Variants in HPSE2 observed in about 807,000 individuals in gnomAD.
HPSE2 encodes the protein inactive heparanase-2.
HPSE2 carries 38 observed loss-of-function variants against 60.5 expected under a neutral mutation model. The ratio of observed to expected loss-of-function variants is 0.63; its 90% CI spans 0.48 to 0.82. The LOEUF (loss-of-function observed/expected upper bound fraction) is 0.82, where lower values mean the gene tolerates loss of function less well. Ranked by LOEUF, HPSE2 falls within the 40% of genes least tolerant of loss-of-function variation. HPSE2 has a pLI of 0.00. For missense variants in HPSE2, 713 were observed against 740.4 expected (o/e 0.96, Z 0.43); for synonymous variants, 295 against 293.2 (o/e 1.01, Z -0.06).
chr10:98,781,612 T>C (rs925491924), intron 3 of HPSE2, among the ~76,000 whole-genome samples: 1 of 152,212 alleles, frequency 6.6e-6, no homozygotes, highest in Non-Finnish European at 1.5e-5. Context: ...CATATAAAAA[T>C]ACATATTTCA....
intron 3 of HPSE2, among the ~76,000 whole-genome samples, chr10:99,068,460 C>T (rs142141579): frequency 1.8e-4 from 27 of 152,210 alleles, no homozygotes; most frequent in African/African-American, 4.6e-4. Flanking sequence ...AGAGCTTGTA[C>T]GGGAGAAGTT....
At chr10:98,699,261 AATCCAGCAGCAC>A (rs1948331232) in intron 5 of HPSE2, among the ~76,000 whole-genome samples, 1 of 152,058 alleles carries the variant, frequency 6.6e-6, no homozygotes, top group Admixed American at 6.6e-5. Context: ...TGGCAAACCG[AATCCAGCAGCAC>A]ATCAAAAAGC....
Position 98,824,241 on chromosome 10 carries a change from A to G in HPSE2, c.611-80185T>C, listed in dbSNP as rs187337086. On this transcript the variant is annotated intron_variant, in intron 3 of 11. Transcript: ENST00000370552. The stretch of plus-strand genomic sequence containing the variant: ...AGATAAACAATGGTTATCTTCAAAG[A>G]GGAGATTAAGGTTAGTGAGCGGGGG... Among the ~76,000 whole-genome samples, 288 of 152,266 alleles carry G rather than the reference A, an allele frequency of 1.9e-3. 5 individuals carry two copies. The highest frequency in any genetic ancestry group is 2.2e-4 in the Non-Finnish European group (15 of 68,018).
At chr10:98,958,475 C>T (rs1413129489) in intron 3 of HPSE2, among the ~76,000 whole-genome samples, 1 of 152,024 alleles carries the variant, frequency 6.6e-6, no homozygotes, top group Non-Finnish European at 1.5e-5. Context: ...GATTATTATG[C>T]ATGCTATCTA....
At chr10:98,758,970 T>C (rs975267509) in intron 3 of HPSE2, among the ~76,000 whole-genome samples, 6 of 152,164 alleles carry the variant, frequency 3.9e-5, no homozygotes, top group African/African-American at 9.6e-5. Flanking sequence ...ATAAAGAAAA[T>C]GTGGTATATA....
intron 7 of HPSE2, among the ~76,000 whole-genome samples, chr10:98,639,082 C>T (rs1424521528): frequency 6.6e-6 from 1 of 152,132 alleles, no homozygotes; most frequent in Non-Finnish European, 1.5e-5. Context: ...CTTCAATGAA[C>T]AGGATATGGC....
intron 3 of HPSE2, among the ~76,000 whole-genome samples, chr10:98,884,237 A>C (rs1025629964): frequency 6.6e-6 from 1 of 152,136 alleles, no homozygotes. Context: ...TTAAGGAAAG[A>C]AGCTATCTCC....
intron 11 of HPSE2, among the ~76,000 whole-genome samples, chr10:98,463,537 C>T (rs1041262267): frequency 6.6e-6 from 1 of 152,228 alleles, no homozygotes; most frequent in African/African-American, 2.4e-5. Context: ...TGTGGTGGCT[C>T]ATGCCTGTAA....
chr10:98,574,775 G>A (rs2133906285), intron 9 of HPSE2, among the ~76,000 whole-genome samples: 1 of 152,292 alleles, frequency 6.6e-6, no homozygotes, highest in Middle Eastern at 3.4e-3. Context: ...TAGGAAGACT[G>A]AGGACTCTGA....
chr10:99,225,535 T>G (rs944737909), intron 2 of HPSE2, among the ~76,000 whole-genome samples: 2 of 152,074 alleles, frequency 1.3e-5, no homozygotes, highest in African/African-American at 2.4e-5. Context: ...AAACTTGCAA[T>G]GTAAGGATCT....
At chr10:99,162,739 C>T (rs1846893620) in intron 2 of HPSE2, among the ~76,000 whole-genome samples, 1 of 152,132 alleles carries the variant, frequency 6.6e-6, no homozygotes, top group Non-Finnish European at 1.5e-5. Context: ...TTTTCCCTGC[C>T]CCTTCAGTTT....
intron 3 of HPSE2, among the ~76,000 whole-genome samples, chr10:98,866,986 A>C (rs188675084): frequency 6.6e-6 from 1 of 152,320 alleles, no homozygotes; most frequent in African/African-American, 2.4e-5. Flanking sequence ...CCCGACTTAC[A>C]ATGGTTTGAG....
intron 6 of HPSE2, among the ~76,000 whole-genome samples, chr10:98,645,745 G>A (rs928778026): frequency 5.9e-5 from 9 of 152,174 alleles, no homozygotes; most frequent in East Asian, 1.9e-4. Flanking sequence ...TTGGGAGGCT[G>A]AGGCGGGCGG....
chr10:98,635,095 G>A (rs1010159841), intron 7 of HPSE2, among the ~76,000 whole-genome samples: 1 of 152,154 alleles, frequency 6.6e-6, no homozygotes, highest in African/African-American at 2.4e-5. Flanking sequence ...CAAGCATCAC[G>A]TCAGTCTTGC....
At chr10:99,229,372 C>T (rs1280380401) in intron 2 of HPSE2, among the ~76,000 whole-genome samples, 1 of 152,158 alleles carries the variant, frequency 6.6e-6, no homozygotes. Flanking sequence ...CATAAATCTA[C>T]CTTCTGCCTT....
intron 6 of HPSE2, among the ~76,000 whole-genome samples, chr10:98,681,399 TA>T (rs1947784095): frequency 6.6e-6 from 1 of 152,192 alleles, no homozygotes; most frequent in Non-Finnish European, 1.5e-5. Flanking sequence ...TTATAACTCA[TA>T]ACTGGTTTTG....
chr10:99,154,449 A>C (rs1265556363), intron 2 of HPSE2, among the ~76,000 whole-genome samples: 78 of 89,768 alleles, frequency 8.7e-4, no homozygotes, highest in Non-Finnish European at 1.7e-3. Flanking sequence ...GCCAATATTC[A>C]ACATTCTTAA....
At chr10:98,468,443 C>G (rs575149786) in intron 11 of HPSE2, among the ~76,000 whole-genome samples, 1 of 152,200 alleles carries the variant, frequency 6.6e-6, no homozygotes, top group South Asian at 2.1e-4. Flanking sequence ...GCTTTTTGCT[C>G]TACCTGGAAT....
intron 2 of HPSE2, among the ~76,000 whole-genome samples, chr10:99,226,554 T>G (rs917832946): frequency 6.6e-6 from 1 of 152,056 alleles, no homozygotes; most frequent in Non-Finnish European, 1.5e-5. Context: ...TATCAGAGAA[T>G]AATACATGAT....
Sources: allele counts gnomAD v4.1 joint callset (sites outside exome capture counted in the v4.1 genomes callset), GRCh38; gene constraint gnomAD v4.1.1; transcripts MANE v1.5; gene names NCBI Gene and HGNC (gene_info 2026-07-23, HGNC 2026-07-21).